ZNF704: variants seen among roughly 807,000 people sequenced by gnomAD.
The protein encoded by ZNF704 is zinc finger protein 704.
A neutral mutation model predicts 44.7 loss-of-function variants in ZNF704; 10 were observed. The ratio of observed to expected loss-of-function variants is 0.22; its 90% CI spans 0.14 to 0.38. The LOEUF is 0.38. ZNF704 is among the 10% of genes least tolerant of loss of function. ZNF704 has a pLI of 1.00. For synonymous variants in ZNF704, 211 were observed against 207.6 expected (o/e 1.02, Z -0.14); for missense variants, 390 against 545.5 (o/e 0.71, Z 2.84).
intron 1 of ZNF704, among the ~76,000 whole-genome samples, chr8:80,857,108 G>A (rs867396845): frequency 3.9e-5 from 6 of 152,050 alleles, no homozygotes; most frequent in East Asian, 3.9e-4. Context: ...TACTGTAAAC[G>A]ATATTTGAAA....
At chr8:80,813,703 C>T (rs1179161022) in intron 2 of ZNF704, among the ~76,000 whole-genome samples, 4 of 151,992 alleles carry the variant, frequency 2.6e-5, no homozygotes, top group Non-Finnish European at 4.4e-5. Context: ...ACGGTGAAAC[C>T]CCGTCTCTAC....
At chr8:80,678,936 T>C (rs1818409813) in intron 4 of ZNF704, among the ~76,000 whole-genome samples, 1 of 152,118 alleles carries the variant, frequency 6.6e-6, no homozygotes, top group Non-Finnish European at 1.5e-5. Context: ...CAGGAAGGTA[T>C]TGATTCCTCC....
intron 2 of ZNF704, among the ~76,000 whole-genome samples, chr8:80,781,021 C>A (rs1448416677): frequency 6.6e-6 from 1 of 152,172 alleles, no homozygotes; most frequent in Non-Finnish European, 1.5e-5. Context: ...AAAATTACAG[C>A]GTTGGATTAA....
intron 1 of ZNF704, among the ~76,000 whole-genome samples, chr8:80,867,643 C>T (rs1809178556): frequency 6.6e-6 from 1 of 152,124 alleles, no homozygotes; most frequent in South Asian, 2.1e-4. Context: ...TAAGCATATG[C>T]CTTTTGCTCG....
chr8:80,841,152 C>A (rs989003786), intron 1 of ZNF704, among the ~76,000 whole-genome samples: 2 of 152,230 alleles, frequency 1.3e-5, no homozygotes, highest in East Asian at 3.8e-4. Context: ...GCACCAGGAA[C>A]CTTTGCCACT....
chr8:80,793,222 G>A (rs1285505551), intron 2 of ZNF704, among the ~76,000 whole-genome samples: 1 of 152,154 alleles, frequency 6.6e-6, no homozygotes, highest in African/African-American at 2.4e-5. Flanking sequence ...CCAGCTTCCT[G>A]TACTGAGCAA....
At chr8:80,748,675 A>T (rs1274786955) in intron 2 of ZNF704, among the ~76,000 whole-genome samples, 1 of 152,214 alleles carries the variant, frequency 6.6e-6, no homozygotes, top group Non-Finnish European at 1.5e-5. Context: ...CTTGGGTGGG[A>T]CGAACCCAAG....
At chr8:80,760,601 A>T (rs1252567280) in intron 2 of ZNF704, among the ~76,000 whole-genome samples, 1 of 146,160 alleles carries the variant, frequency 6.8e-6, no homozygotes, top group Non-Finnish European at 1.5e-5. Context: ...GGTTGCAGTG[A>T]GCCGAGATTG....
At chr8:80,804,924 T>C (rs1807964493) in intron 2 of ZNF704, among the ~76,000 whole-genome samples, 1 of 152,014 alleles carries the variant, frequency 6.6e-6, no homozygotes, top group Admixed American at 6.6e-5. Flanking sequence ...ATTGGTGGGG[T>C]GAGGGACCTG....
chr8:80,790,961 G>C (rs1233195156), intron 2 of ZNF704, among the ~76,000 whole-genome samples: 3 of 152,114 alleles, frequency 2.0e-5, no homozygotes, highest in Non-Finnish European at 4.4e-5. Context: ...GTCTCAGGGG[G>C]CAGGGAGGGT....
intron 1 of ZNF704, among the ~76,000 whole-genome samples, chr8:80,835,717 C>G (rs559383109): frequency 6.6e-6 from 1 of 152,330 alleles, no homozygotes; most frequent in South Asian, 2.1e-4. Flanking sequence ...GGCATAGTGA[C>G]TCTTTCACAG....
intron 1 of ZNF704, among the ~76,000 whole-genome samples, chr8:80,832,409 A>G (rs963173537): frequency 6.6e-6 from 1 of 152,164 alleles, no homozygotes; most frequent in African/African-American, 2.4e-5. Context: ...ACTTCAGCCC[A>G]CTTATTTGAT....
At chr8:80,699,856 C>T (rs865968251) in intron 2 of ZNF704, among the ~76,000 whole-genome samples, 5 of 152,150 alleles carry the variant, frequency 3.3e-5, no homozygotes, top group African/African-American at 7.2e-5. Flanking sequence ...CCACTGGACC[C>T]TATGTTCCAT....
chr8:80,633,532 G>C lies in ZNF704; in HGVS notation c.*7834C>G, dbSNP rs188373707. ...GGTTTGAGAACATGGTGGGTCCCTG[G>C]GTCTTCTTACGTCCCTAGTCAGTCT... On this transcript the variant is annotated 3_prime_UTR_variant, in exon 9 of 9. Transcript: ENST00000327835. 102 of 152,210 alleles carry C rather than the reference G, an allele frequency of 6.7e-4. No homozygotes were observed. Among genetic ancestry groups the C allele is most frequent in the African/African-American group, 2.3e-3 (94 of 41,530 alleles). 9.4% of individuals were successfully genotyped at this position (152,210 alleles called of 1,614,324 possible). A position where few individuals can be genotyped will look rare whatever the true frequency, so the allele number is the denominator to read the frequency against.
At position 80,790,016 on chromosome 8, in the gene ZNF704, G is replaced by C. The variant is rs148854500; in HGVS notation, c.221+31358C>G. Among the ~76,000 whole-genome samples the C allele has an allele frequency of 4.8e-3, 726 of 152,310 alleles. 9 individuals are homozygous for C. The highest frequency in any genetic ancestry group is 0.039 in the South Asian group (188 of 4,830). ...AGAATCTGGTAAGAAAACAAAGGTA[G>C]GCAAGGTGGGAAAAGATTGGTGTGG... On this transcript the variant is annotated intron_variant, in intron 2 of 8. Coordinates refer to ENST00000327835, the MANE Select transcript of ZNF704 (RefSeq NM_001033723.3).
intron 7 of ZNF704, among the ~76,000 whole-genome samples, chr8:80,649,545 G>T (rs954699482): frequency 1.3e-5 from 2 of 152,150 alleles, no homozygotes; most frequent in African/African-American, 4.8e-5. Context: ...AGGGTCCTAC[G>T]CCCATGGAGC....
chr8:80,745,593 T>C (rs1017063532), intron 2 of ZNF704, among the ~76,000 whole-genome samples: 8 of 152,188 alleles, frequency 5.3e-5, no homozygotes, highest in Admixed American at 2.6e-4. Flanking sequence ...TTGTAAATAA[T>C]AGAATACTCT....
intron 6 of ZNF704, among the ~76,000 whole-genome samples, chr8:80,661,985 G>A (rs747758436): frequency 2.2e-4 from 33 of 152,032 alleles, no homozygotes; most frequent in Non-Finnish European, 3.7e-4. Context: ...TACACAAGGC[G>A]ATTAATATTC....
chr8:80,820,783 TC>T, intron 2 of ZNF704, among the ~76,000 whole-genome samples: 1 of 152,198 alleles, frequency 6.6e-6, no homozygotes, highest in Middle Eastern at 3.4e-3. Flanking sequence ...ATGCCTGTAG[TC>T]CCAGCCAGCT....
Sources: gnomAD v4.1 joint callset for allele counts (sites outside exome capture counted in the v4.1 genomes callset) on GRCh38, gnomAD v4.1.1 for gene constraint, MANE v1.5 for transcripts, NCBI Gene and HGNC (gene_info 2026-07-23, HGNC 2026-07-21) for gene names.